The following AIG1 variants were observed in gnomAD, a reference collection of about 807,000 sequenced individuals.
AIG1 encodes androgen-induced gene 1 protein.
A neutral mutation model predicts 31.4 loss-of-function variants in AIG1; 23 were observed. The observed-to-expected ratio is 0.73, with a 90% confidence interval of 0.53 to 1.04. The LOEUF (loss-of-function observed/expected upper bound fraction) is 1.04. Ranked by LOEUF, AIG1 falls within the 50% of genes least tolerant of loss-of-function variation. The probability of loss-of-function intolerance (pLI) is 0.00; values close to 1 mark genes in which losing one functional copy is unlikely to be tolerated. For missense variants in AIG1, 274 were observed against 295.0 expected (o/e 0.93, Z 0.52); for synonymous variants, 100 against 110.5 (o/e 0.90, Z 0.60).
chr6:143,064,239 A>G lies in AIG1; in HGVS notation c.141+3173A>G, dbSNP rs566122952. The stretch of plus-strand genomic sequence containing the variant: ...TAGGGTAATTATCCTGAGTTATCCC[A>G]TTGGGCCCAATGTAATTACAAGGGT... On this transcript the variant is annotated intron_variant, in intron 1 of 5. Coordinates refer to ENST00000357847, the MANE Select transcript of AIG1 (RefSeq NM_016108.4). Among the ~76,000 whole-genome samples, 24 of 152,334 alleles carry G rather than the reference A, an allele frequency of 1.6e-4. No homozygotes were observed. In the East Asian group the frequency reaches 4.4e-3, roughly 28 times the overall value.
intron 3 of AIG1, chr6:143,189,819 A>C (rs909263784): frequency 8.2e-6 from 8 of 977,842 alleles, no homozygotes; most frequent in Non-Finnish European, 9.7e-6. Context: ...TAAAAAAGAG[A>C]TATATCTTAG....
At chr6:143,342,777 T>C (rs184132782), downstream of AIG1, 396 of 809,192 alleles carry the variant, frequency 4.9e-4, no homozygotes, top group African/African-American at 5.8e-3. Flanking sequence ...CAAACGTCCT[T>C]GTATTCTGTT....
At chr6:143,212,601 A>C (rs1205780253) in intron 3 of AIG1, among the ~76,000 whole-genome samples, 2 of 152,166 alleles carry the variant, frequency 1.3e-5, no homozygotes, top group Non-Finnish European at 2.9e-5. Flanking sequence ...ATGTCTCATT[A>C]ATTTATAGTA....
intron 3 of AIG1, among the ~76,000 whole-genome samples, chr6:143,238,550 G>C (rs944401795): frequency 6.6e-6 from 1 of 152,130 alleles, no homozygotes; most frequent in African/African-American, 2.4e-5. Context: ...TGGGGGAGGG[G>C]TTCTGCATTC....
chr6:143,322,480 G>A (rs953708388), intron 4 of AIG1, among the ~76,000 whole-genome samples: 2 of 152,080 alleles, frequency 1.3e-5, no homozygotes, highest in Non-Finnish European at 2.9e-5. Context: ...TACAATGTTC[G>A]ATGTCTCTAC....
At chr6:143,343,077 C>T (rs1271934977), downstream of AIG1, 36 of 779,166 alleles carry the variant, frequency 4.6e-5, no homozygotes, top group Admixed American at 1.9e-4. Context: ...GTGCATCTCG[C>T]GCCATCATGA....
At chr6:143,193,527 C>T (rs1372986911) in intron 3 of AIG1, among the ~76,000 whole-genome samples, 1 of 152,192 alleles carries the variant, frequency 6.6e-6, no homozygotes, top group Non-Finnish European at 1.5e-5. Context: ...CAGGGCCTTG[C>T]ACTTAGAAGT....
At chr6:143,218,743 G>A (rs4896624) in intron 3 of AIG1, among the ~76,000 whole-genome samples, 4 of 151,668 alleles carry the variant, frequency 2.6e-5, no homozygotes, top group South Asian at 4.1e-4. Flanking sequence ...AATGAAGGAC[G>A]CTTCATTCAT....
chr6:143,130,877 C>T (rs1218151682), intron 1 of AIG1, among the ~76,000 whole-genome samples: 1 of 152,156 alleles, frequency 6.6e-6, no homozygotes, highest in Non-Finnish European at 1.5e-5. Flanking sequence ...CTCTTCCCAC[C>T]TCCACCCCTC....
intron 2 of AIG1, among the ~76,000 whole-genome samples, chr6:143,138,892 C>G (rs79583463): frequency 1.4e-5 from 1 of 72,866 alleles, no homozygotes; most frequent in Non-Finnish European, 3.0e-5. Context: ...GACTCTGTCT[C>G]AAAAAAAAAA....
chr6:143,064,349 G>A (rs558547886), intron 1 of AIG1, among the ~76,000 whole-genome samples: 1 of 152,298 alleles, frequency 6.6e-6, no homozygotes, highest in African/African-American at 2.4e-5. Flanking sequence ...ATACGACAAT[G>A]CTGGGTTTGA....
chr6:143,059,427 T>G (rs1387080358), upstream of AIG1, among the ~76,000 whole-genome samples: 1 of 152,076 alleles, frequency 6.6e-6, no homozygotes, highest in Non-Finnish European at 1.5e-5. Context: ...AGATCTTCAA[T>G]AGATCTACTC....
intron 1 of AIG1, among the ~76,000 whole-genome samples, chr6:143,095,842 G>T (rs1011056698): frequency 6.7e-6 from 1 of 150,128 alleles, no homozygotes; most frequent in Non-Finnish European, 1.5e-5. Flanking sequence ...TCACTAATTT[G>T]CAGACTATTG....
At chr6:143,074,639 G>T (rs1777576394) in intron 1 of AIG1, among the ~76,000 whole-genome samples, 1 of 152,152 alleles carries the variant, frequency 6.6e-6, no homozygotes, top group South Asian at 2.1e-4. Context: ...GATTACCATA[G>T]CTTTGTAGTG....
chr6:143,266,363 A>ATAAT (rs746458463), intron 3 of AIG1, among the ~76,000 whole-genome samples: 2 of 150,560 alleles, frequency 1.3e-5, no homozygotes, highest in Non-Finnish European at 1.5e-5. Context: ...AAAAAAAAAA[A>ATAAT]AAGAATAATA....
At chr6:143,183,548 A>T (rs1788946996) in intron 3 of AIG1, among the ~76,000 whole-genome samples, 1 of 152,134 alleles carries the variant, frequency 6.6e-6, no homozygotes, top group East Asian at 1.9e-4. Context: ...CTGGAGAACT[A>T]ATTTGCCATG....
intron 2 of AIG1, among the ~76,000 whole-genome samples, chr6:143,157,883 G>A (rs879256194): frequency 6.6e-6 from 1 of 151,896 alleles, no homozygotes; most frequent in Non-Finnish European, 1.5e-5. Flanking sequence ...TGTTTTTTGT[G>A]TTATCTATGA....
At chr6:143,108,394 C>T (rs1177482897) in intron 1 of AIG1, among the ~76,000 whole-genome samples, 6 of 152,172 alleles carry the variant, frequency 3.9e-5, no homozygotes, top group Admixed American at 1.3e-4. Flanking sequence ...CTCCTGACCA[C>T]GATGGTCAAA....
intron 3 of AIG1, among the ~76,000 whole-genome samples, chr6:143,226,358 A>C (rs1382602572): frequency 3.3e-5 from 5 of 151,548 alleles, no homozygotes; most frequent in Non-Finnish European, 7.4e-5. Context: ...GTCCTGCGTC[A>C]GCCTCCAAGT....
Sources: gnomAD v4.1 joint callset for allele counts (sites outside exome capture counted in the v4.1 genomes callset) on GRCh38, gnomAD v4.1.1 for gene constraint, MANE v1.5 for transcripts, NCBI Gene and HGNC (gene_info 2026-07-23, HGNC 2026-07-21) for gene names.